The following CALHM4 variants were observed in gnomAD, a reference collection of about 807,000 sequenced individuals.
The protein encoded by CALHM4 is calcium homeostasis modulator family member 4.
Under a neutral mutation model 13.3 loss-of-function variants are expected in CALHM4, and 16 were observed. The observed-to-expected ratio is 1.20, with a 90% CI of 0.81 to 1.82. CALHM4 has a LOEUF of 1.82. CALHM4 is among the 40% of genes most tolerant of loss of function. CALHM4 has a pLI of 0.00. For missense variants in CALHM4, 344 were observed against 374.9 expected, an observed-to-expected ratio of 0.92 and a Z score of 0.68; for synonymous variants, 127 against 137.1, an observed-to-expected ratio of 0.93 and a Z score of 0.52.
intron 1 of CALHM4, among the ~76,000 whole-genome samples, chr6:116,542,449 T>C (rs967823175): frequency 7.2e-5 from 11 of 152,162 alleles, no homozygotes; most frequent in Non-Finnish European, 1.6e-4. Context: ...CAATGAACCC[T>C]TTTAAAAAGC....
chr6:116,552,481 C>T (rs1255885837), upstream of CALHM4, among the ~76,000 whole-genome samples: 2 of 152,142 alleles, frequency 1.3e-5, no homozygotes, highest in Non-Finnish European at 2.9e-5. Flanking sequence ...TCCAGAACTC[C>T]TACTAGACAG....
At chr6:116,530,503 C>A (rs929658893) in intron 1 of CALHM4, among the ~76,000 whole-genome samples, 4 of 152,114 alleles carry the variant, frequency 2.6e-5, no homozygotes, top group African/African-American at 9.7e-5. Flanking sequence ...CAAAGGGAAA[C>A]CTAATACTAC....
rs527564253 is a variant in CALHM4, at chr6:116,529,964, A to G, written c.-109+774A>G. On this transcript the variant is annotated intron_variant, in intron 1 of 2. Transcript: ENST00000368597. ...TTACATATTCATCCTAGTAAAAGAA[A>G]GAACATTCAGAGGACAGGAAAAAAA... 2.6e-3 allele frequency among the ~76,000 whole-genome samples: 400 copies of G among 152,320 alleles called. 1 individual carries two copies. Among genetic ancestry groups the G allele is most frequent in the Non-Finnish European group, 4.1e-3 (276 of 68,012 alleles).
chr6:116,529,541 C>A (rs1290849500), intron 1 of CALHM4, among the ~76,000 whole-genome samples: 1 of 152,156 alleles, frequency 6.6e-6, no homozygotes, highest in Admixed American at 6.5e-5. Context: ...TAGATTGGAG[C>A]TGAGTGGAAG....
intron 1 of CALHM4, among the ~76,000 whole-genome samples, chr6:116,530,168 GA>G (rs531357255): frequency 6.0e-5 from 9 of 148,792 alleles, no homozygotes; most frequent in Non-Finnish European, 1.2e-4. Context: ...AATATAATTA[GA>G]AAAAAAAAGC....
chr6:116,544,709 T>C (rs1303489504), intron 2 of CALHM4, among the ~76,000 whole-genome samples: 2 of 152,012 alleles, frequency 1.3e-5, no homozygotes, highest in Admixed American at 6.6e-5. Context: ...GGAAAATAAA[T>C]CAAGATCCCA....
intron 2 of CALHM4, among the ~76,000 whole-genome samples, chr6:116,548,433 C>T (rs1223081344): frequency 2.0e-5 from 3 of 152,214 alleles, no homozygotes; most frequent in Non-Finnish European, 4.4e-5. Context: ...TAGCAAGTTA[C>T]ACATTGGCAC....
intron 2 of CALHM4, among the ~76,000 whole-genome samples, chr6:116,547,160 G>T (rs1323063929): frequency 1.3e-5 from 2 of 152,146 alleles, no homozygotes; most frequent in Non-Finnish European, 2.9e-5. Flanking sequence ...TTATGTTAGA[G>T]CAAACTATTT....
intron 2 of CALHM4, among the ~76,000 whole-genome samples, chr6:116,547,918 G>T (rs188943475): frequency 2.0e-5 from 3 of 152,328 alleles, no homozygotes; most frequent in Non-Finnish European, 2.9e-5. Flanking sequence ...ATTGAGCTAT[G>T]CCCCTATGCT....
rs1200208510 is a variant in CALHM4 at position 116,554,317 on chromosome 6, A to C, written c.524A>C (p.Asp175Ala). Reference sequence around the variant, plus strand: ...CCTTCTGACGTGATCCTAGTAAGAGATGAAATAGCTCTTCTGCACAGATAC... The same window carrying C: ...CCTTCTGACGTGATCCTAGTAAGAGCTGAAATAGCTCTTCTGCACAGATAC... ...SAPSDVILVR[D>A]EIALLHRYQS... The change falls in exon 1 of 2, where the codon GAT becomes GCT. Residue 175 changes from aspartate (D) to alanine (A), a missense_variant. Transcript: ENST00000368596. 1.9e-6 allele frequency: 3 copies of C among 1,548,458 alleles called. No homozygotes were observed. The Admixed American group carries it at 5.9e-5, about 30-fold the overall frequency.
chr6:116,544,737 T>A (rs1773670278), intron 2 of CALHM4, among the ~76,000 whole-genome samples: 1 of 152,062 alleles, frequency 6.6e-6, no homozygotes, highest in African/African-American at 2.4e-5. Context: ...AGAGGAGGTA[T>A]CTGCAGGCAT....
At chr6:116,553,694 A>T (rs951791996), upstream of CALHM4, 10 of 1,083,212 alleles carry the variant, frequency 9.2e-6, no homozygotes, top group African/African-American at 1.6e-5. Context: ...ATCACTTGAC[A>T]CAACCAGTTA....
intron 1 of CALHM4, among the ~76,000 whole-genome samples, chr6:116,541,862 G>A (rs1287223209): frequency 6.6e-6 from 1 of 152,152 alleles, no homozygotes; most frequent in Non-Finnish European, 1.5e-5. Flanking sequence ...TTTCTGCAAA[G>A]TAGATATTTT....
In CALHM4 at chr6:116,554,354, A is replaced by G; in HGVS notation, c.558+3A>G. On this transcript the variant is annotated splice_donor_region_variant and intron_variant, in intron 1 of 1. Transcript: ENST00000368596. ...TTCTGCACAGATACCAGTCACAGGTAAGTTTTTAGAATTTTTTTCCCTCTG... is the reference window on the plus strand; with the variant it reads ...TTCTGCACAGATACCAGTCACAGGTGAGTTTTTAGAATTTTTTTCCCTCTG... 6.6e-7 allele frequency: 1 copy of G among 1,518,104 alleles called. No individual in the cohort carries two copies. Among genetic ancestry groups the G allele is most frequent in the South Asian group, 1.2e-5 (1 of 81,478 alleles). 94.0% of individuals were successfully genotyped at this position (1,518,104 alleles called of 1,614,324 possible).
chr6:116,547,666 C>T (rs993442676), intron 2 of CALHM4, among the ~76,000 whole-genome samples: 6 of 152,172 alleles, frequency 3.9e-5, no homozygotes, highest in Non-Finnish European at 7.4e-5. Context: ...AAATGTACTC[C>T]TCCCTTAAAT....
In CALHM4 at chr6:116,543,842, T is replaced by A. The variant is rs1338981691; in HGVS notation, c.-31T>A. 3 of 1,534,224 alleles carry A rather than the reference T, an allele frequency of 2.0e-6. No homozygotes were observed. The Admixed American group carries it at 5.9e-5, about 30-fold the overall frequency. On this transcript the variant is annotated 5_prime_UTR_variant, in exon 2 of 3. Transcript: ENST00000368597. ...GCCCCCAGATCTGCCAAGGAGACCTTCAGGATAAACCCAAATGTAGCAGCA... is the reference window on the plus strand; with the variant it reads ...GCCCCCAGATCTGCCAAGGAGACCTACAGGATAAACCCAAATGTAGCAGCA...
intron 1 of CALHM4, among the ~76,000 whole-genome samples, chr6:116,532,465 T>C (rs771567711): frequency 6.6e-6 from 1 of 152,216 alleles, no homozygotes; most frequent in Non-Finnish European, 1.5e-5. Flanking sequence ...AGGTGTGGAT[T>C]TACCTGGTGA....
chr6:116,535,789 T>C (rs1019615383), intron 1 of CALHM4, among the ~76,000 whole-genome samples: 48 of 152,350 alleles, frequency 3.2e-4, no homozygotes, highest in African/African-American at 1.1e-3. Flanking sequence ...GAAAAATATC[T>C]TTAAAGATAT....
intron 1 of CALHM4, among the ~76,000 whole-genome samples, chr6:116,540,803 C>T (rs548339234): frequency 1.3e-5 from 2 of 152,226 alleles, no homozygotes; most frequent in East Asian, 1.9e-4. Context: ...TCATCATTAG[C>T]TATTGATGGA....
Sources: gnomAD v4.1 joint callset for allele counts (sites outside exome capture counted in the v4.1 genomes callset) on GRCh38, gnomAD v4.1.1 for gene constraint, MANE v1.5 for transcripts, NCBI Gene and HGNC (gene_info 2026-07-23, HGNC 2026-07-21) for gene names.